TPTE2: variants seen among roughly 807,000 people sequenced by gnomAD.
The protein encoded by TPTE2 is phosphatidylinositol 3,4,5-trisphosphate 3-phosphatase TPTE2.
In TPTE2, 53 loss-of-function variants were observed where a neutral mutation model predicts 78.6. The observed-to-expected ratio is 0.67, with a 90% CI of 0.54 to 0.85. The LOEUF is 0.85. Ranked by LOEUF, TPTE2 falls within the 40% of genes least tolerant of loss-of-function variation. TPTE2 has a pLI of 0.00. For synonymous variants in TPTE2, 175 were observed against 206.2 expected, an observed-to-expected ratio of 0.85 and a Z score of 1.30; for missense variants, 461 against 623.0, an observed-to-expected ratio of 0.74 and a Z score of 2.77.
Position 19,438,050 on chromosome 13 carries a change from C to A in TPTE2, c.1035+42G>T, listed in dbSNP as rs542595838. On this transcript the variant is annotated intron_variant, in intron 14 of 19. Coordinates refer to ENST00000400230, the Ensembl canonical transcript of TPTE2. The stretch of plus-strand genomic sequence containing the variant: ...CCAGCGATCTTTCAGAACTAGCAAA[C>A]TCAATCATCATAAGAGAAAGTTTGT... 9.4e-6 allele frequency: 15 copies of A among 1,592,204 alleles called. No individual in the cohort carries two copies. In the East Asian group the frequency reaches 3.4e-4, roughly 36 times the overall value.
chr13:19,465,649 C>T, intron 7 of TPTE2, 85 bp from the exon 11 acceptor site: 1 of 1,187,822 alleles, frequency 8.4e-7, no homozygotes, highest in Non-Finnish European at 1.2e-6. Flanking sequence ...CAGTTGTTAA[C>T]CAGAGGCAAT....
intron 13 of TPTE2, among the ~76,000 whole-genome samples, chr13:19,441,953 C>A (rs530092445): frequency 1.3e-5 from 2 of 151,900 alleles, no homozygotes; most frequent in Admixed American, 6.6e-5. Flanking sequence ...ACAGTAATTA[C>A]TAAAAACATA....
In TPTE2 at chr13:19,535,589, G is replaced by A. The variant is rs1390621028; in HGVS notation, c.-44+1007C>T. On this transcript the variant is annotated intron_variant, in intron 1 of 17. Transcript: ENST00000390680. The surrounding 1 kb of genome is among the most constrained non-coding windows in gnomAD (Gnocchi z 5.1). ...GATTAATAAGTGACTGAGGTTCTAA[G>A]TAATACTATCTCCAGGATTTTCTTA... 6.6e-6 allele frequency among the ~76,000 whole-genome samples: 1 copy of A among 151,674 alleles called. No individual in the cohort carries two copies. Among genetic ancestry groups the A allele is most frequent in the Non-Finnish European group, 1.5e-5 (1 of 67,944 alleles).
chr13:19,432,619 A>C (rs770601089), intron 15 of TPTE2, 41 bp from the exon 19 acceptor site: 2 of 1,419,750 alleles, frequency 1.4e-6, no homozygotes, highest in South Asian at 2.5e-5. Flanking sequence ...GGAGATGAAA[A>C]GTCTAAAGTC....
chr13:19,520,015 A>G (rs1174910644), intron 1 of TPTE2, among the ~76,000 whole-genome samples: 1 of 152,048 alleles, frequency 6.6e-6, no homozygotes, highest in Non-Finnish European at 1.5e-5. Context: ...TGTAAATAAA[A>G]TTACTTTCTT....
intron 10 of TPTE2, among the ~76,000 whole-genome samples, chr13:19,459,098 T>C (rs1878725168): frequency 6.6e-6 from 1 of 152,168 alleles, no homozygotes; most frequent in South Asian, 2.1e-4. Flanking sequence ...TTTTGGCTTT[T>C]TAATAATAGC....
intron 1 of TPTE2, among the ~76,000 whole-genome samples, chr13:19,533,856 C>T (rs533481504): frequency 1.3e-5 from 2 of 152,320 alleles, no homozygotes; most frequent in African/African-American, 2.4e-5. Flanking sequence ...ACACTCAGAG[C>T]GTTTCTCTTT....
At chr13:19,465,179 T>C in intron 9 of TPTE2, 76 bp downstream of exon 12, 1 of 1,567,842 alleles carries the variant, frequency 6.4e-7, no homozygotes, top group Admixed American at 1.7e-5. Context: ...TGAATGTGTC[T>C]TAGATGAGGC....
At chr13:19,491,681 C>T (rs113439686) in intron 3 of TPTE2, among the ~76,000 whole-genome samples, 3,734 of 152,004 alleles carry the variant, frequency 0.025, 64 homozygotes, top group Middle Eastern at 0.051. Flanking sequence ...AAAAATTAGA[C>T]GGGCATGGTG....
At chr13:19,510,176 G>A (rs1051769506) in intron 1 of TPTE2, among the ~76,000 whole-genome samples, 2 of 152,196 alleles carry the variant, frequency 1.3e-5, no homozygotes, top group Non-Finnish European at 2.9e-5. Flanking sequence ...AGGATGATTT[G>A]AATACATAAA....
At chr13:19,475,542 T>C in intron 5 of TPTE2, 31 bp downstream of exon 8, 3 of 1,603,250 alleles carry the variant, frequency 1.9e-6, no homozygotes, top group Non-Finnish European at 2.6e-6. Flanking sequence ...CAGATATATT[T>C]AATACATGGT....
At position 19,443,493 on chromosome 13, in the gene TPTE2, C is replaced by T. The variant is rs185846889; in HGVS notation, c.974-5340G>A. Among the ~76,000 whole-genome samples, 32 of 150,584 alleles carry T rather than the reference C, an allele frequency of 2.1e-4. No homozygotes were observed. In the East Asian group the frequency reaches 5.1e-3, roughly 24 times the overall value. On this transcript the variant is annotated intron_variant, in intron 13 of 19. Coordinates refer to ENST00000400230, the Ensembl canonical transcript of TPTE2. ...TGATCTTGGCTCACTGCAACCTCTG[C>T]CTCCTGGTTTCAAGTGATTCTCGTG...
chr13:19,474,125 A>G lies in TPTE2; in HGVS notation c.231-50T>C, dbSNP rs556583003. 486 of 1,147,318 alleles carry G rather than the reference A, an allele frequency of 4.2e-4. 13 individuals are homozygous for G. The highest frequency in any genetic ancestry group is 2.4e-3 in the Admixed American group (94 of 38,476). The allele number at this position is 1,147,318 out of a possible 1,614,324, so 71.1% of individuals were successfully genotyped here. ...AATAAATAAATAAATAAATAAATGC[A>G]AAGATAAAGGGGCATTTGTCCCTAT... On this transcript the variant is annotated intron_variant, in intron 5 of 19. Coordinates refer to ENST00000400230, the Ensembl canonical transcript of TPTE2.
intron 10 of TPTE2, among the ~76,000 whole-genome samples, chr13:19,459,250 C>G (rs1878734539): frequency 6.6e-6 from 1 of 152,128 alleles, no homozygotes; most frequent in African/African-American, 2.4e-5. Flanking sequence ...ATCCTTTGCC[C>G]ACTTTTTAAT....
At chr13:19,551,709 CTAAA>C in the TPTE2 span, among the ~76,000 whole-genome samples, 1 of 152,040 alleles carries the variant, frequency 6.6e-6, no homozygotes, top group African/African-American at 2.4e-5. Flanking sequence ...ACATATAAGA[CTAAA>C]TATTTCTGAT....
At chr13:19,467,227 G>A in exon 7 of TPTE2, 9 of 1,580,094 alleles carry the variant, frequency 5.7e-6, no homozygotes, top group Non-Finnish European at 7.7e-6. Context: ...TTTCATACCT[G>A]GGAATATTCC....
chr13:19,437,652 T>A lies in TPTE2; in HGVS notation c.1035+440A>T, dbSNP rs188702656. On this transcript the variant is annotated intron_variant, in intron 14 of 19. Transcript: ENST00000400230. ...GGAATAAGAGCAGGGCCAGGTGAAG[T>A]GAGGGAAGCATGTTGATTACTGAAT... 1.6e-3 allele frequency among the ~76,000 whole-genome samples: 245 copies of A among 152,248 alleles called. 4 individuals carry two copies. The highest frequency in any genetic ancestry group is 5.6e-3 in the African/African-American group (233 of 41,552).
intron 4 of TPTE2, among the ~76,000 whole-genome samples, chr13:19,479,833 C>G (rs372311321): frequency 6.6e-6 from 1 of 151,544 alleles, no homozygotes; most frequent in Non-Finnish European, 1.5e-5. Flanking sequence ...CGTGGTGGTG[C>G]GTGACTGTAG....
chr13:19,459,684 T>C (rs1167284169), intron 10 of TPTE2, among the ~76,000 whole-genome samples: 1 of 152,202 alleles, frequency 6.6e-6, no homozygotes, highest in Non-Finnish European at 1.5e-5. Flanking sequence ...GAACCGTTGC[T>C]GCAGTGGTTA....
Sources: allele counts gnomAD v4.1 joint callset (sites outside exome capture counted in the v4.1 genomes callset), GRCh38; gene constraint gnomAD v4.1.1; non-coding constraint Gnocchi (gnomAD v3.1); transcripts MANE v1.5; gene names NCBI Gene and HGNC (gene_info 2026-07-23, HGNC 2026-07-21).